Variants in ZNF433 observed in about 807,000 individuals in gnomAD.
The protein encoded by ZNF433 is zinc finger protein 433.
Under a neutral mutation model 10.6 loss-of-function variants are expected in ZNF433, and 12 were observed. The observed-to-expected ratio is 1.13, with a 90% CI of 0.72 to 1.83. The LOEUF (loss-of-function observed/expected upper bound fraction) is 1.83, where lower values mean the gene tolerates loss of function less well. ZNF433 is among the 40% of genes most tolerant of loss of function. The pLI, the probability that ZNF433 is intolerant of heterozygous loss-of-function variation, is 0.00. For synonymous variants in ZNF433, 272 were observed against 271.3 expected (o/e 1.00, Z -0.02); for missense variants, 737 against 798.0 (o/e 0.92, Z 0.92).
intron 1 of ZNF433, among the ~76,000 whole-genome samples, chr19:12,021,530 G>A (rs1369863625): frequency 5.9e-5 from 9 of 152,114 alleles, no homozygotes; most frequent in Non-Finnish European, 1.3e-4. Context: ...TGTAATATAG[G>A]AGAGAGATTA....
At chr19:12,022,167 T>C (rs279169) in intron 1 of ZNF433, 377,441 of 396,792 alleles carry the variant, frequency 0.95, 180,122 homozygotes, top group African/African-American at 0.99. Flanking sequence ...CCACCCAGGG[T>C]AGAAAACCAC....
chr19:12,015,774 A>T lies in ZNF433; in HGVS notation c.1084T>A (p.Ser362Thr), dbSNP rs766633112. ...TTCCCACATATCTTACATTTATGAG[A>T]TATCTCTCCAGTGTGCATTCCCAAG... is the stretch of plus-strand genomic sequence containing the variant. Reference protein sequence around the residue: ...NHLGMHTGEISHKCKICGKAF... With the variant: ...NHLGMHTGEITHKCKICGKAF... Residue 362 changes from serine (S) to threonine (T), a missense_variant, in exon 4 of 4, where the codon TCT (serine) becomes ACT (threonine). By Grantham distance (58) the Ser-to-Thr change is moderately conservative. Transcript: ENST00000550507. The T allele has an allele frequency of 6.2e-7, 1 of 1,613,602 alleles. No individual in the cohort carries two copies. The highest frequency in any genetic ancestry group is 2.2e-5 in the East Asian group (1 of 44,850).
At chr19:12,020,990 T>C (rs1211528954) in intron 1 of ZNF433, among the ~76,000 whole-genome samples, 1 of 151,252 alleles carries the variant, frequency 6.6e-6, no homozygotes, top group African/African-American at 2.4e-5. Context: ...TTTTTTCTTT[T>C]TTTTTGAGAC....
At chr19:12,033,826 A>AAAAAAC (rs535943813) in intron 1 of ZNF433, among the ~76,000 whole-genome samples, 1 of 152,178 alleles carries the variant, frequency 6.6e-6, no homozygotes, top group Non-Finnish European at 1.5e-5. Flanking sequence ...TGTCTCCAAA[A>AAAAAAC]AAAAACAAAA....
rs1334675630 is a variant in ZNF433, at chr19:12,015,616, AGT to A, written c.1240_1241del (p.Thr414TrpfsTer8). ...SSFRYHERTH[T>X]GEKPYECKQC... ...GCTTACACTCGTAAGGTTTCTCTCC[AGT>A]GTGAGTTCTTTCATGATATCGGAAG... is the stretch of plus-strand genomic sequence containing the variant. On this transcript the variant is annotated frameshift_variant, in exon 4 of 4. Coordinates refer to ENST00000550507, the MANE Select transcript of ZNF433 (RefSeq NM_001308348.2). LOFTEE classifies it low-confidence loss of function (END_TRUNC). 1 of 1,613,970 alleles carries A rather than the reference AGT, an allele frequency of 6.2e-7. No individual in the cohort carries two copies. The highest frequency in any genetic ancestry group is 8.5e-7 in the Non-Finnish European group (1 of 1,179,974).
chr19:12,016,214 C>G lies in ZNF433; in HGVS notation c.644G>C (p.Arg215Pro), dbSNP rs1348785527. ...MFLSLYLIHK[R>P]THTGEKPYQC... is the part of the protein sequence containing the mutation. ...ATATGGTTTCTCTCCAGTGTGAGTT[C>G]GTTTGTGGATAAGATACAAACTGAG... Residue 215 changes from arginine (R) to proline (P), a missense_variant, in exon 4 of 4, where the codon CGA becomes CCA. Transcript: ENST00000550507. 1 of 1,614,030 alleles carries G rather than the reference C, an allele frequency of 6.2e-7. No homozygotes were observed. Among genetic ancestry groups the G allele is most frequent in the Non-Finnish European group, 8.5e-7 (1 of 1,180,040 alleles).
intron 1 of ZNF433, chr19:12,030,149 G>T: frequency 6.8e-6 from 3 of 438,164 alleles, no homozygotes; most frequent in Non-Finnish European, 9.1e-6. Flanking sequence ...CCAGGCACCA[G>T]ATCTGTCAGC....
rs1974084242 is a variant in ZNF433, at chr19:12,014,969, A to G, written c.1889T>C (p.Leu630Pro). Residue 630 changes from leucine (L) to proline (P), a missense_variant, in exon 4 of 4, where the codon CTT becomes CCT. Coordinates refer to ENST00000550507, the MANE Select transcript of ZNF433 (RefSeq NM_001308348.2). ...AGTGTGAGTCCTTCCATGCCTTCGA[A>G]GGTTTGAGGGACATCCAAAAGCTTT... ...CGKAFGCPSN[L>P]RRHGRTHTGE... 1 of 1,613,842 alleles carries G rather than the reference A, an allele frequency of 6.2e-7. No individual in the cohort carries two copies. The highest frequency in any genetic ancestry group is 1.3e-5 in the African/African-American group (1 of 74,860).
chr19:12,029,214 G>A (rs796674527), intron 1 of ZNF433, among the ~76,000 whole-genome samples: 18 of 152,100 alleles, frequency 1.2e-4, no homozygotes, highest in African/African-American at 4.1e-4. Flanking sequence ...TGAAATAGAA[G>A]ACAATGACTA....
intron 1 of ZNF433, among the ~76,000 whole-genome samples, chr19:12,032,368 T>C (rs1975075880): frequency 6.6e-6 from 1 of 152,048 alleles, no homozygotes; most frequent in Non-Finnish European, 1.5e-5. Flanking sequence ...CTAAAACTAG[T>C]CCCTATAACA....
intron 1 of ZNF433, chr19:12,024,867 G>C (rs1254551683): frequency 6.6e-6 from 1 of 152,148 alleles, no homozygotes; most frequent in Non-Finnish European, 1.5e-5. Context: ...ACATGGATAT[G>C]ATCCTGGAAA....
At chr19:12,019,766 A>G (rs1476697345) in intron 1 of ZNF433, among the ~76,000 whole-genome samples, 1 of 152,216 alleles carries the variant, frequency 6.6e-6, no homozygotes, top group Non-Finnish European at 1.5e-5. Context: ...TCATGCTACA[A>G]CAATCACAAA....
chr19:12,015,077 T>C lies in ZNF433; in HGVS notation c.1781A>G (p.Lys594Arg), dbSNP rs1252775597. 1.9e-6 allele frequency: 3 copies of C among 1,613,888 alleles called. No individual in the cohort carries two copies. The highest frequency in any genetic ancestry group is 3.3e-5 in the Admixed American group (2 of 59,982). The part of the protein sequence containing the change: ...EKPYECKQCG[K>R]SFGCASRLQM... The stretch of plus-strand genomic sequence containing the variant: ...AAGTCGCGAGGCACATCCAAAAGAC[T>C]TCCCACACTGCTTACATTCATAGGG... The change falls in exon 4 of 4, where the codon AAG becomes AGG. Residue 594 changes from lysine to arginine, a missense_variant. Lys to Arg is a conservative substitution (Grantham distance 26). Transcript: ENST00000550507.
At chr19:12,034,706 G>A (rs972453242) in intron 1 of ZNF433, 1 of 421,284 alleles carries the variant, frequency 2.4e-6, no homozygotes, top group South Asian at 1.7e-5. Flanking sequence ...CCTTCCTACC[G>A]CCTCGAAGTT....
chr19:12,016,771 T>A (rs1220593258), intron 3 of ZNF433, 105 bp from the exon 4 acceptor site: 2 of 1,409,846 alleles, frequency 1.4e-6, no homozygotes, highest in Non-Finnish European at 1.9e-6. Flanking sequence ...TGAGATGGAG[T>A]CTCACTCTCT....
intron 1 of ZNF433, among the ~76,000 whole-genome samples, chr19:12,031,514 G>A (rs755443006): frequency 2.0e-5 from 3 of 151,772 alleles, no homozygotes; most frequent in Non-Finnish European, 4.4e-5. Flanking sequence ...TTAGCTGGGC[G>A]TGGTGGCAGT....
At chr19:12,022,184 G>C (rs1195661478) in intron 1 of ZNF433, 1 of 376,656 alleles carries the variant, frequency 2.7e-6, no homozygotes, top group Non-Finnish European at 5.5e-6. Context: ...CCACTTAAAG[G>C]TGTTCCTAAA....
chr19:12,035,637 C>T lies in ZNF433; in HGVS notation c.-98G>A. ...CCTGAACCCTCTCGGAGGGGAAAGC[C>T]AGGCTCCCAACCTCAGCTCGCCGCC... On this transcript the variant is annotated 5_prime_UTR_variant, in exon 1 of 4. Coordinates refer to ENST00000550507, the MANE Select transcript of ZNF433 (RefSeq NM_001308348.2). 2.7e-6 allele frequency: 4 copies of T among 1,502,634 alleles called. No homozygotes were observed. The highest frequency in any genetic ancestry group is 3.6e-6 in the Non-Finnish European group (4 of 1,113,084). The allele number at this position is 1,502,634 out of a possible 1,614,324, so 93.1% of individuals were successfully genotyped here.
In ZNF433 at chr19:12,015,611, T is replaced by C; in HGVS notation, c.1247A>G (p.Glu416Gly). 6.2e-7 allele frequency: 1 copy of C among 1,614,080 alleles called. No individual in the cohort carries two copies. Among genetic ancestry groups the C allele is most frequent in the African/African-American group, 1.3e-5 (1 of 75,012 alleles). The change falls in exon 4 of 4, where the codon GAG becomes GGG. Residue 416 changes from glutamate (E) to glycine (G), a missense_variant. Glu to Gly is a moderately conservative substitution (Grantham distance 98). Coordinates refer to ENST00000550507, the MANE Select transcript of ZNF433 (RefSeq NM_001308348.2). ...FRYHERTHTG[E>G]KPYECKQCGK... Reference sequence around the variant, plus strand: ...ACATTGCTTACACTCGTAAGGTTTCTCTCCAGTGTGAGTTCTTTCATGATA... The same window carrying C: ...ACATTGCTTACACTCGTAAGGTTTCCCTCCAGTGTGAGTTCTTTCATGATA...
Sources: allele counts gnomAD v4.1 joint callset (sites outside exome capture counted in the v4.1 genomes callset), GRCh38; gene constraint gnomAD v4.1.1; transcripts MANE v1.5; gene names NCBI Gene and HGNC (gene_info 2026-07-23, HGNC 2026-07-21).